MAGI2: variants seen among roughly 807,000 people sequenced by gnomAD.
MAGI2 encodes membrane-associated guanylate kinase, WW and PDZ domain-containing protein 2.
In MAGI2, 35 loss-of-function variants were observed where a neutral mutation model predicts 133.3. That is an observed-to-expected ratio of 0.26 (90% CI 0.20 to 0.35). The LOEUF (loss-of-function observed/expected upper bound fraction) is 0.35, where lower values mean the gene tolerates loss of function less well. MAGI2 is among the 10% of genes least tolerant of loss of function. The probability of loss-of-function intolerance (pLI) is 1.00; values close to 1 mark genes in which losing one functional copy is unlikely to be tolerated. For synonymous variants in MAGI2, 729 were observed against 710.6 expected (o/e 1.03, Z -0.41); for missense variants, 1,636 against 1,863.4 (o/e 0.88, Z 2.25).
chr7:79,274,305 G>C (rs1185856614), intron 1 of MAGI2, among the ~76,000 whole-genome samples: 1 of 152,080 alleles, frequency 6.6e-6, no homozygotes, highest in Admixed American at 6.6e-5. Flanking sequence ...CAGAGTTTCT[G>C]ATTCTGATTG....
intron 2 of MAGI2, among the ~76,000 whole-genome samples, chr7:78,757,184 T>C (rs542776228): frequency 5.3e-4 from 80 of 152,286 alleles, no homozygotes; most frequent in African/African-American, 1.9e-3. Flanking sequence ...TTAATATGAA[T>C]GAATAGACCA....
chr7:78,975,362 A>G (rs1306490512), intron 2 of MAGI2, among the ~76,000 whole-genome samples: 2 of 151,790 alleles, frequency 1.3e-5, no homozygotes, highest in African/African-American at 2.4e-5. Context: ...AAAAATCAAC[A>G]ATATAAGACG....
At chr7:79,009,293 A>C (rs1453038208) in intron 1 of MAGI2, among the ~76,000 whole-genome samples, 1 of 152,140 alleles carries the variant, frequency 6.6e-6, no homozygotes, top group African/African-American at 2.4e-5. Flanking sequence ...AACAACAAAA[A>C]AGTCTATTTA....
chr7:78,772,621 T>A (rs1428276540), intron 2 of MAGI2, among the ~76,000 whole-genome samples: 3 of 152,214 alleles, frequency 2.0e-5, no homozygotes, highest in African/African-American at 7.2e-5. Context: ...GTCCCCTCCA[T>A]CAACACCTAA....
intron 9 of MAGI2, among the ~76,000 whole-genome samples, chr7:78,286,429 AT>A (rs1413077147): frequency 7.2e-5 from 11 of 152,204 alleles, no homozygotes; most frequent in African/African-American, 2.6e-4. Flanking sequence ...GAATATGGCG[AT>A]TTACTATTTA....
intron 1 of MAGI2, among the ~76,000 whole-genome samples, chr7:79,195,905 T>G (rs1370056547): frequency 6.6e-6 from 1 of 151,868 alleles, no homozygotes; most frequent in Non-Finnish European, 1.5e-5. Flanking sequence ...ATGTGGAATC[T>G]TAAAAAGTTG....
chr7:78,638,669 C>T (rs778218793), intron 2 of MAGI2, among the ~76,000 whole-genome samples: 1 of 152,170 alleles, frequency 6.6e-6, no homozygotes, highest in African/African-American at 2.4e-5. Flanking sequence ...TGCATTCTCA[C>T]CAATAAAGTA....
intron 1 of MAGI2, among the ~76,000 whole-genome samples, chr7:79,107,427 C>T (rs1818536664): frequency 2.0e-5 from 3 of 152,168 alleles, no homozygotes; most frequent in African/African-American, 7.2e-5. Flanking sequence ...CCCCTAGAAG[C>T]CCCAGAGAGG....
intron 1 of MAGI2, among the ~76,000 whole-genome samples, chr7:79,330,438 G>A (rs1238294056): frequency 1.3e-5 from 2 of 151,646 alleles, no homozygotes; most frequent in African/African-American, 2.4e-5. Flanking sequence ...CTCGTGATCC[G>A]CCTGCCTCAG....
intron 21 of MAGI2, among the ~76,000 whole-genome samples, chr7:78,038,389 T>C (rs2428932): frequency 0.59 from 89,334 of 152,060 alleles, 27,472 homozygotes; most frequent in African/African-American, 0.78. Flanking sequence ...TATGAAACAC[T>C]AACTTGATGT....
At position 78,589,931 on chromosome 7, in the gene MAGI2, T is replaced by C. The variant is rs539653084; in HGVS notation, c.538+37189A>G. Among the ~76,000 whole-genome samples the C allele has an allele frequency of 1.4e-4, 22 of 152,346 alleles. No homozygotes were observed. In the South Asian group the frequency reaches 3.9e-3, roughly 27 times the overall value. On this transcript the variant is annotated intron_variant, in intron 3 of 21. Transcript: ENST00000354212. ...CCAGGAGGCCATTAGAAATGCATTC[T>C]GGCAGTTTGCTTGGTTCCTTTGGAA...
At chr7:78,972,104 T>C (rs1306158418) in intron 2 of MAGI2, among the ~76,000 whole-genome samples, 1 of 151,958 alleles carries the variant, frequency 6.6e-6, no homozygotes, top group Non-Finnish European at 1.5e-5. Flanking sequence ...ATTAACATGA[T>C]ATTTAAAAAT....
chr7:78,805,333 A>G (rs1285450062), intron 2 of MAGI2, among the ~76,000 whole-genome samples: 1 of 151,046 alleles, frequency 6.6e-6, no homozygotes, highest in African/African-American at 2.4e-5. Context: ...ATTATCACTT[A>G]TGGGTGCTCA....
intron 2 of MAGI2, among the ~76,000 whole-genome samples, chr7:78,650,521 T>G (rs1439548438): frequency 3.3e-5 from 5 of 152,182 alleles, no homozygotes; most frequent in Admixed American, 2.0e-4. Context: ...TTTCAAAAGG[T>G]CAGGAGATTT....
intron 9 of MAGI2, among the ~76,000 whole-genome samples, chr7:78,308,224 C>T (rs1459071940): frequency 1.3e-5 from 2 of 152,156 alleles, no homozygotes; most frequent in Non-Finnish European, 2.9e-5. Context: ...TTTGAGAAGA[C>T]AGCATCTGGG....
intron 9 of MAGI2, among the ~76,000 whole-genome samples, chr7:78,300,563 A>G (rs1349913564): frequency 6.6e-6 from 1 of 152,218 alleles, no homozygotes; most frequent in East Asian, 1.9e-4. Flanking sequence ...TATCAAGCCC[A>G]TTCACAGATA....
chr7:78,142,155 C>T (rs1046467250), intron 16 of MAGI2, among the ~76,000 whole-genome samples: 2 of 152,128 alleles, frequency 1.3e-5, no homozygotes, highest in Non-Finnish European at 2.9e-5. Context: ...CACAGGCCAC[C>T]ATGCTCAAAA....
intron 10 of MAGI2, among the ~76,000 whole-genome samples, chr7:78,226,883 C>A (rs573907923): frequency 1.3e-5 from 2 of 152,072 alleles, no homozygotes; most frequent in African/African-American, 4.8e-5. Context: ...GCTGAGGGGA[C>A]CATGGAAATG....
intron 2 of MAGI2, among the ~76,000 whole-genome samples, chr7:78,839,162 T>TA (rs1331178518): frequency 3.3e-5 from 5 of 151,932 alleles, no homozygotes; most frequent in Non-Finnish European, 7.4e-5. Flanking sequence ...GGTAGAGACT[T>TA]ACAAATTTAT....
Sources: gnomAD v4.1 joint callset for allele counts (sites outside exome capture counted in the v4.1 genomes callset) on GRCh38, gnomAD v4.1.1 for gene constraint, MANE v1.5 for transcripts, NCBI Gene and HGNC (gene_info 2026-07-23, HGNC 2026-07-21) for gene names.